The following TNKS variants were observed in gnomAD, a reference collection of about 807,000 sequenced individuals.
TNKS encodes tankyrase.
A neutral mutation model predicts 135.8 loss-of-function variants in TNKS; 72 were observed. That is an observed-to-expected ratio of 0.53 (90% CI 0.44 to 0.64). The LOEUF is 0.64. Among genes scored for constraint, TNKS ranks in the 30% least tolerant of loss-of-function variants. The pLI, the probability that TNKS is intolerant of heterozygous loss-of-function variation, is 0.00. For missense variants in TNKS, 1,769 were observed against 1,674.0 expected (o/e 1.06, Z -0.99); for synonymous variants, 849 against 649.3 (o/e 1.31, Z -4.68).
At position 9,754,636 on chromosome 8, in the gene TNKS, C is replaced by G. The variant is rs558854664; in HGVS notation, c.3153+2010C>G. ...AATTCTAATTATTTTTACCCTCTTA[C>G]TAGCTGTGTAAAATTGGGCTGAATG... On this transcript the variant is annotated intron_variant, in intron 20 of 26. Transcript: ENST00000310430. 1.3e-5 allele frequency among the ~76,000 whole-genome samples: 2 copies of G among 152,236 alleles called. 1 individual carries two copies. Among genetic ancestry groups the G allele is most frequent in the East Asian group, 3.9e-4 (2 of 5,176 alleles).
At chr8:9,561,343 G>A (rs903316646) in intron 1 of TNKS, among the ~76,000 whole-genome samples, 1 of 152,164 alleles carries the variant, frequency 6.6e-6, no homozygotes, top group Non-Finnish European at 1.5e-5. Flanking sequence ...ACTTCAGAAA[G>A]TTCCCTCATA....
At chr8:9,745,668 GT>G (rs1308612660) in intron 17 of TNKS, among the ~76,000 whole-genome samples, 1 of 152,160 alleles carries the variant, frequency 6.6e-6, no homozygotes, top group East Asian at 1.9e-4. Context: ...GCCTCCCAAA[GT>G]GGTGGGATTA....
intron 5 of TNKS, among the ~76,000 whole-genome samples, chr8:9,700,938 T>C (rs59238467): frequency 0.64 from 83,570 of 130,980 alleles, 23,803 homozygotes; most frequent in Middle Eastern, 0.74. Flanking sequence ...TTTGCCCCCT[T>C]TTTTTTTTTT....
rs1270767646 is a variant in TNKS, at chr8:9,635,708, GTT to G, written c.994+20032_994+20033del. ...CTGAGAAGGTCACAACATTTCTTATGTTGTATTCTGGCTAGGGAGGCATGACT... is the reference window on the plus strand; with the variant it reads ...CTGAGAAGGTCACAACATTTCTTATGGTATTCTGGCTAGGGAGGCATGACT... On this transcript the variant is annotated intron_variant, in intron 3 of 26. Transcript: ENST00000310430. Among the ~76,000 whole-genome samples, 6 of 152,274 alleles carry G rather than the reference GTT, an allele frequency of 3.9e-5. No individual in the cohort carries two copies. In the East Asian group the frequency reaches 1.2e-3, roughly 29 times the overall value.
chr8:9,607,075 C>T lies in TNKS; in HGVS notation c.899-8507C>T, dbSNP rs57026077. 5.6e-3 allele frequency among the ~76,000 whole-genome samples: 853 copies of T among 152,036 alleles called. 9 individuals are homozygous for T. The highest frequency in any genetic ancestry group is 0.019 in the African/African-American group (790 of 41,456). On this transcript the variant is annotated intron_variant, in intron 2 of 26. Coordinates refer to ENST00000310430, the MANE Select transcript of TNKS (RefSeq NM_003747.3). ...TTTTGCATTCTTAAAAATTATTGAGCGTTCCACAGAGCTTTTATGGGGGTC... is the reference window on the plus strand; with the variant it reads ...TTTTGCATTCTTAAAAATTATTGAGTGTTCCACAGAGCTTTTATGGGGGTC...
intron 5 of TNKS, among the ~76,000 whole-genome samples, chr8:9,703,007 TTCCA>T (rs1224951499): frequency 1.3e-5 from 2 of 152,074 alleles, no homozygotes; most frequent in Non-Finnish European, 2.9e-5. Flanking sequence ...CAGAGTGAGA[TTCCA>T]TCCAAAAAAC....
At chr8:9,561,502 C>G (rs7002894) in intron 1 of TNKS, among the ~76,000 whole-genome samples, 1 of 152,104 alleles carries the variant, frequency 6.6e-6, no homozygotes, top group Non-Finnish European at 1.5e-5. Context: ...ACTTATTTTG[C>G]TCAGCATGTT....
At chr8:9,760,847 A>G (rs1807114243) in intron 20 of TNKS, among the ~76,000 whole-genome samples, 1 of 152,236 alleles carries the variant, frequency 6.6e-6, no homozygotes, top group Non-Finnish European at 1.5e-5. Flanking sequence ...AACAGAATGT[A>G]TTTTAAGGAG....
chr8:9,588,361 G>A (rs1261762179), intron 2 of TNKS, among the ~76,000 whole-genome samples: 1 of 151,814 alleles, frequency 6.6e-6, no homozygotes, highest in African/African-American at 2.4e-5. Flanking sequence ...TGCAAGCTCT[G>A]CCTCCCAGGT....
intron 2 of TNKS, among the ~76,000 whole-genome samples, chr8:9,595,229 TC>T (rs1326161797): frequency 2.6e-5 from 4 of 151,982 alleles, no homozygotes; most frequent in Non-Finnish European, 5.9e-5. Context: ...CAAGCAATTC[TC>T]CTGGCTCAGC....
intron 9 of TNKS, among the ~76,000 whole-genome samples, 186 bp downstream of exon 9, chr8:9,708,678 T>C (rs60222666): frequency 0.08 from 12,150 of 152,192 alleles, 530 homozygotes; most frequent in South Asian, 0.17. Context: ...GGTGAGAGAA[T>C]TGACATTTGC....
At chr8:9,765,250 CATAAAG>C (rs1437133791) in intron 23 of TNKS, among the ~76,000 whole-genome samples, 1 of 152,026 alleles carries the variant, frequency 6.6e-6, no homozygotes, top group Admixed American at 6.5e-5. Flanking sequence ...AAAGGGGTAT[CATAAAG>C]ATGAATAAAA....
chr8:9,580,084 A>G (rs1798110570), intron 1 of TNKS, 75 bp from the exon 2 acceptor site: 1 of 1,259,888 alleles, frequency 7.9e-7, no homozygotes, highest in Non-Finnish European at 1.2e-6. Context: ...ACTTGTTGAT[A>G]TTGTTACAGA....
chr8:9,602,466 C>T (rs1799053478), intron 2 of TNKS, among the ~76,000 whole-genome samples: 1 of 152,164 alleles, frequency 6.6e-6, no homozygotes, highest in Non-Finnish European at 1.5e-5. Context: ...TGACAGCTTC[C>T]CATCCTCTCT....
intron 12 of TNKS, among the ~76,000 whole-genome samples, chr8:9,721,826 G>T (rs146511506): frequency 1.3e-5 from 2 of 152,024 alleles, no homozygotes; most frequent in Non-Finnish European, 2.9e-5. Context: ...GGCCGAGGTG[G>T]GCGGATCACG....
intron 15 of TNKS, 127 bp from the exon 16 acceptor site, chr8:9,734,738 T>C: frequency 1.3e-6 from 1 of 795,034 alleles, no homozygotes; most frequent in Non-Finnish European, 2.0e-6. Context: ...CAAAGTGTTT[T>C]TCAAAATGCA....
chr8:9,651,843 C>G (rs529174339), intron 3 of TNKS, among the ~76,000 whole-genome samples: 2 of 152,124 alleles, frequency 1.3e-5, no homozygotes, highest in Admixed American at 6.5e-5. Flanking sequence ...TACTGCTGAT[C>G]CTAGGTTAAT....
intron 2 of TNKS, among the ~76,000 whole-genome samples, chr8:9,607,083 A>G (rs1315962732): frequency 1.3e-5 from 2 of 152,186 alleles, no homozygotes; most frequent in Admixed American, 6.5e-5. Context: ...AGCGTTCCAC[A>G]GAGCTTTTAT....
Position 9,730,282 on chromosome 8 carries a change from GAAGTA to G in TNKS, c.2002-604_2002-600del, listed in dbSNP as rs919219616. Among the ~76,000 whole-genome samples, 12 of 152,244 alleles carry G rather than the reference GAAGTA, an allele frequency of 7.9e-5. No individual in the cohort carries two copies. The East Asian group carries it at 2.1e-3, about 27-fold the overall frequency. ...TTGGAGGACATCTCTGAAAGAGATGGAAGTAAAGCCTAAAAACTAGGGTATGATTA... is the reference window on the plus strand; with the variant it reads ...TTGGAGGACATCTCTGAAAGAGATGGAAGCCTAAAAACTAGGGTATGATTA... On this transcript the variant is annotated intron_variant, in intron 13 of 26. Coordinates refer to ENST00000310430, the MANE Select transcript of TNKS (RefSeq NM_003747.3).
Sources: gnomAD v4.1 joint callset for allele counts (sites outside exome capture counted in the v4.1 genomes callset) on GRCh38, gnomAD v4.1.1 for gene constraint, MANE v1.5 for transcripts, NCBI Gene and HGNC (gene_info 2026-07-23, HGNC 2026-07-21) for gene names.